The following KCNC1 variants were observed in gnomAD, a reference collection of about 807,000 sequenced individuals.
KCNC1 encodes the protein voltage-gated potassium channel KCNC1.
Under a neutral mutation model 43.4 loss-of-function variants are expected in KCNC1, and 8 were observed. The ratio of observed to expected loss-of-function variants is 0.18; its 90% CI spans 0.11 to 0.33. The LOEUF is 0.33. Among genes scored for constraint, KCNC1 ranks in the 10% least tolerant of loss-of-function variants. The pLI, the probability that KCNC1 is intolerant of heterozygous loss-of-function variation, is 1.00. For synonymous variants in KCNC1, 361 were observed against 360.5 expected (o/e 1.00, Z -0.01); for missense variants, 420 against 836.0 (o/e 0.50, Z 6.14).
intron 1 of KCNC1, among the ~76,000 whole-genome samples, chr11:17,740,851 C>G (rs919174842): frequency 6.6e-6 from 1 of 152,174 alleles, no homozygotes; most frequent in Non-Finnish European, 1.5e-5. Context: ...CTCCCCTCAG[C>G]TCCCAGGGAA....
intron 1 of KCNC1, among the ~76,000 whole-genome samples, chr11:17,760,083 A>G (rs2133794701): frequency 6.6e-6 from 1 of 152,316 alleles, no homozygotes; most frequent in East Asian, 1.9e-4. Context: ...TTTCCCAAAA[A>G]AATGTTTGAG....
In KCNC1 at chr11:17,745,942, C is replaced by G. The variant is rs547978299; in HGVS notation, c.570+9370C>G. ...TTGCCTTGTTTATTGTCTGTTTCCCCACTAGACTGTACAGTCCATGAGGGC... is the reference window on the plus strand; with the variant it reads ...TTGCCTTGTTTATTGTCTGTTTCCCGACTAGACTGTACAGTCCATGAGGGC... On this transcript the variant is annotated intron_variant, in intron 1 of 3. Transcript: ENST00000265969. Among the ~76,000 whole-genome samples the G allele has an allele frequency of 2.6e-5, 4 of 152,318 alleles. No individual in the cohort carries two copies. The East Asian group carries it at 7.7e-4, about 29-fold the overall frequency.
intron 2 of KCNC1, chr11:17,775,986 G>T (rs1419751263): frequency 2.0e-6 from 2 of 985,396 alleles, no homozygotes; most frequent in Non-Finnish European, 2.4e-6. Flanking sequence ...TCCATGGAGG[G>T]GGGAGGGAGC....
chr11:17,755,161 G>C (rs1343176409), intron 1 of KCNC1, among the ~76,000 whole-genome samples: 3 of 152,178 alleles, frequency 2.0e-5, no homozygotes, highest in African/African-American at 7.2e-5. Context: ...GCCAGTGCAA[G>C]AGCATGGAGG....
intron 1 of KCNC1, among the ~76,000 whole-genome samples, chr11:17,751,014 G>A (rs529001465): frequency 6.8e-4 from 104 of 152,320 alleles, no homozygotes; most frequent in African/African-American, 2.4e-3. Context: ...ATCGATCTTT[G>A]CTAAAGCTAT....
intron 1 of KCNC1, among the ~76,000 whole-genome samples, chr11:17,763,039 C>A (rs942804012): frequency 1.3e-5 from 2 of 152,200 alleles, no homozygotes; most frequent in Non-Finnish European, 2.9e-5. Flanking sequence ...ACCATAGGAA[C>A]CCCTGCCACC....
intron 1 of KCNC1, among the ~76,000 whole-genome samples, chr11:17,759,469 T>C (rs1849053603): frequency 6.6e-6 from 1 of 152,310 alleles, no homozygotes; most frequent in Middle Eastern, 3.4e-3. Flanking sequence ...GGCTGACTGT[T>C]TGGTGCAAGA....
At chr11:17,769,779 C>A (rs191370871) in intron 1 of KCNC1, among the ~76,000 whole-genome samples, 1 of 152,310 alleles carries the variant, frequency 6.6e-6, no homozygotes, top group Non-Finnish European at 1.5e-5. Flanking sequence ...ATGGACCACA[C>A]TTGATAGTGG....
intron 1 of KCNC1, among the ~76,000 whole-genome samples, chr11:17,746,633 C>G (rs533333410): frequency 3.3e-5 from 5 of 152,278 alleles, no homozygotes; most frequent in African/African-American, 7.2e-5. Context: ...ATGGACTTCT[C>G]TCCTCCAAAG....
At chr11:17,768,735 G>A (rs975723577) in intron 1 of KCNC1, among the ~76,000 whole-genome samples, 2 of 152,054 alleles carry the variant, frequency 1.3e-5, no homozygotes, top group South Asian at 2.1e-4. Context: ...TCTTGGCACC[G>A]TTCGGTCATC....
Position 17,766,483 on chromosome 11 carries a change from C to G in KCNC1, c.571-5182C>G, listed in dbSNP as rs12363687. Among the ~76,000 whole-genome samples the G allele has an allele frequency of 9.2e-3, 1,399 of 152,216 alleles. 8 individuals carry two copies. Among genetic ancestry groups the G allele is most frequent in the Non-Finnish European group, 0.014 (921 of 68,006 alleles). On this transcript the variant is annotated intron_variant, in intron 1 of 3. Transcript: ENST00000265969. ...AATCTTGCCTGTGACCCTACAGCCC[C>G]GGGGATGACAGCCCAGGGTTGTCAC...
At chr11:17,738,159 T>C (rs1394352327) in intron 1 of KCNC1, among the ~76,000 whole-genome samples, 1 of 152,108 alleles carries the variant, frequency 6.6e-6, no homozygotes, top group Non-Finnish European at 1.5e-5. Flanking sequence ...CAAGAAAGAC[T>C]AGAACTCAAT....
At chr11:17,752,820 C>T (rs577862770) in intron 1 of KCNC1, among the ~76,000 whole-genome samples, 32 of 152,278 alleles carry the variant, frequency 2.1e-4, no homozygotes, top group Non-Finnish European at 3.4e-4. Context: ...CATGTCAGAG[C>T]GCTTAGAATA....
intron 1 of KCNC1, among the ~76,000 whole-genome samples, chr11:17,758,297 C>G (rs894315822): frequency 1.3e-5 from 2 of 152,222 alleles, no homozygotes; most frequent in East Asian, 3.8e-4. Flanking sequence ...CTAATTCTAG[C>G]TCTCTTGCTA....
chr11:17,770,290 C>T (rs1849209795), intron 1 of KCNC1, among the ~76,000 whole-genome samples: 2 of 152,222 alleles, frequency 1.3e-5, no homozygotes, highest in South Asian at 2.1e-4. Context: ...GACTGTAGCC[C>T]GGAGCTGCCT....
chr11:17,756,675 G>A (rs912962183), intron 1 of KCNC1, among the ~76,000 whole-genome samples: 1 of 152,138 alleles, frequency 6.6e-6, no homozygotes, highest in Admixed American at 6.5e-5. Context: ...CATGGAGGTT[G>A]GAGCCTCAGT....
At chr11:17,754,760 G>C (rs1849005799) in intron 1 of KCNC1, among the ~76,000 whole-genome samples, 1 of 152,194 alleles carries the variant, frequency 6.6e-6, no homozygotes, top group Non-Finnish European at 1.5e-5. Context: ...GGGGAAGAGA[G>C]TCAAACAACA....
chr11:17,781,601 C>T lies in KCNC1; in HGVS notation c.1694-69C>T. The T allele has an allele frequency of 9.1e-7, 1 of 1,093,872 alleles. No homozygotes were observed. Among genetic ancestry groups the T allele is most frequent in the Non-Finnish European group, 1.4e-6 (1 of 735,392 alleles). 67.8% of individuals were successfully genotyped at this position (1,093,872 alleles called of 1,614,324 possible). A position where few individuals can be genotyped will look rare whatever the true frequency, so the allele number is the denominator to read the frequency against. On this transcript the variant is annotated intron_variant, in intron 3 of 3. Transcript: ENST00000265969. This position sits in a 1 kb window ranked among gnomAD's most constrained non-coding sequence, Gnocchi z 5.1. Reference sequence around the variant, plus strand: ...TGTCTTTCCTCCTCCTTCTTAAAAACTAAGTACCAAGCGGGATGGGAGAGC... The same window carrying T: ...TGTCTTTCCTCCTCCTTCTTAAAAATTAAGTACCAAGCGGGATGGGAGAGC...
rs985373864 is a variant in KCNC1 at position 17,773,965 on chromosome 11, G to T, written c.1504+1367G>T. ...CCCCTGGTTTGGGTGGCCTCCCCCA[G>T]TGGATGATTGATTTTCTTCCCTGCT... On this transcript the variant is annotated intron_variant, in intron 2 of 3. Transcript: ENST00000265969. The surrounding 1 kb of genome is among the most constrained non-coding windows in gnomAD (Gnocchi z 4.1). 6 of 985,400 alleles carry T rather than the reference G, an allele frequency of 6.1e-6. No individual in the cohort carries two copies. The African/African-American group carries it at 1.0e-4, about 17-fold the overall frequency. 61.0% of individuals were successfully genotyped at this position (985,400 alleles called of 1,614,324 possible).
Sources: gnomAD v4.1 joint callset for allele counts (sites outside exome capture counted in the v4.1 genomes callset) on GRCh38, gnomAD v4.1.1 for gene constraint, Gnocchi (gnomAD v3.1) non-coding constraint, MANE v1.5 for transcripts, NCBI Gene and HGNC (gene_info 2026-07-23, HGNC 2026-07-21) for gene names.